RP1: variants seen among roughly 807,000 people sequenced by gnomAD.
The protein encoded by RP1 is oxygen-regulated protein 1.
RP1 carries 16 observed loss-of-function variants against 14.8 expected under a neutral mutation model. The ratio of observed to expected loss-of-function variants is 1.08; its 90% CI spans 0.73 to 1.65. RP1 has a LOEUF of 1.65. RP1 is among the 40% of genes most tolerant of loss of function. The pLI is 0.00. For missense variants in RP1, 2,631 were observed against 2,535.0 expected, an observed-to-expected ratio of 1.04 and a Z score of -0.81; for synonymous variants, 876 against 883.6, an observed-to-expected ratio of 0.99 and a Z score of 0.15.
intron 7 of RP1, among the ~76,000 whole-genome samples, chr8:54,665,302 A>C (rs1264486638): frequency 6.6e-6 from 1 of 152,018 alleles, no homozygotes; most frequent in Admixed American, 6.6e-5. Context: ...ACCTCTCCCA[A>C]ACTTGTGAGA....
rs769343374 is a variant in RP1, at chr8:54,625,700, T to C, written c.1818T>C (p.Ser606=). The part of the protein sequence containing the change: ...KTYGNTNDRF[S]PISADATHFS... ...ATGGTAACACCAATGATAGGTTCAG[T>C]CCTATTTCAGCAGATGCAACCCATT... The change falls in exon 4 of 4, where the codon AGT becomes AGC. Residue 606 remains serine (S), a synonymous_variant. Coordinates refer to ENST00000220676, the MANE Select transcript of RP1 (RefSeq NM_006269.2). The C allele has an allele frequency of 2.5e-6, 4 of 1,614,088 alleles. No individual in the cohort carries two copies. In the Admixed American group the frequency reaches 5.0e-5, roughly 20 times the overall value.
intron 12 of RP1, among the ~76,000 whole-genome samples, chr8:54,687,618 T>C (rs1462957570): frequency 6.6e-6 from 1 of 152,198 alleles, no homozygotes; most frequent in Non-Finnish European, 1.5e-5. Context: ...GTTTCATCCA[T>C]GTCTCTGCAA....
At position 54,852,782 on chromosome 8, in the gene RP1, T is replaced by C. The variant is rs1267748977; in HGVS notation, c.3990+54T>C. The stretch of plus-strand genomic sequence containing the variant: ...TACCGACTATCGTTCCTTTAATTTA[T>C]TTAACAAAAACACACACAAACAGAA... On this transcript the variant is annotated intron_variant, in intron 26 of 28. Transcript: ENST00000637698. The C allele has an allele frequency of 5.8e-6, 7 of 1,209,448 alleles. No individual in the cohort carries two copies. The South Asian group carries it at 1.7e-4, about 29-fold the overall frequency. 74.9% of individuals were successfully genotyped at this position (1,209,448 alleles called of 1,614,324 possible). A position where few individuals can be genotyped will look rare whatever the true frequency, so the allele number is the denominator to read the frequency against.
At chr8:54,670,097 A>G (rs1309638910) in intron 7 of RP1, among the ~76,000 whole-genome samples, 2 of 152,122 alleles carry the variant, frequency 1.3e-5, no homozygotes, top group Non-Finnish European at 2.9e-5. Flanking sequence ...ATATGTGAAT[A>G]TTTCAGTCAC....
rs574401703 is a variant in RP1 at position 54,743,728 on chromosome 8, G to A, written c.2808+4699G>A. On this transcript the variant is annotated intron_variant, in intron 19 of 22. Coordinates refer to the RP1 transcript ENST00000636932. The stretch of plus-strand genomic sequence containing the variant: ...CTAGTACTTTCTTTTCCCTAGCCCT[G>A]GAATTACCTATTTCTCAAGGAGCCC... Among the ~76,000 whole-genome samples, 3 of 152,050 alleles carry A rather than the reference G, an allele frequency of 2.0e-5. No individual in the cohort carries two copies. In the South Asian group the frequency reaches 6.3e-4, roughly 32 times the overall value.
At chr8:54,615,607 G>A (rs541324971), upstream of RP1, among the ~76,000 whole-genome samples, 8 of 152,242 alleles carry the variant, frequency 5.3e-5, no homozygotes, top group African/African-American at 1.9e-4. Flanking sequence ...TTTGTCCTGC[G>A]TTATGCTGAG....
chr8:54,846,711 C>G (rs1040197362), intron 25 of RP1, among the ~76,000 whole-genome samples: 1 of 152,058 alleles, frequency 6.6e-6, no homozygotes, highest in Non-Finnish European at 1.5e-5. Context: ...CTTCTCATTT[C>G]TGCCCCTCTT....
intron 17 of RP1, among the ~76,000 whole-genome samples, chr8:54,731,583 A>G (rs929281981): frequency 2.0e-5 from 3 of 152,162 alleles, no homozygotes; most frequent in African/African-American, 7.2e-5. Flanking sequence ...ATCATTCTGC[A>G]TTATAGATTA....
intron 24 of RP1, among the ~76,000 whole-genome samples, chr8:54,824,109 A>G (rs1352341858): frequency 6.7e-6 from 1 of 148,654 alleles, no homozygotes; most frequent in Non-Finnish European, 1.5e-5. Context: ...TCATTTGCCC[A>G]TTTTCTAATT....
chr8:54,572,229 T>C (rs1804539275), intron 1 of RP1, among the ~76,000 whole-genome samples: 1 of 152,242 alleles, frequency 6.6e-6, no homozygotes, highest in Admixed American at 6.5e-5. Context: ...GGCTAATTGC[T>C]AAGTCTGGAA....
chr8:54,706,873 T>C lies in RP1; in HGVS notation c.2211+218T>C, dbSNP rs543296678. On this transcript the variant is annotated intron_variant, in intron 15 of 22. Transcript: ENST00000636932. Reference sequence around the variant, plus strand: ...GATAGGGCCTCTGAAATGTAATGTATGTACAAATCACCTGGGAATTGTGTT... The same window carrying C: ...GATAGGGCCTCTGAAATGTAATGTACGTACAAATCACCTGGGAATTGTGTT... Among the ~76,000 whole-genome samples the C allele has an allele frequency of 3.7e-4, 57 of 152,258 alleles. 2 individuals carry two copies. The South Asian group carries it at 0.011, about 30-fold the overall frequency.
chr8:54,691,219 G>T (rs1425992000), intron 12 of RP1, among the ~76,000 whole-genome samples: 1 of 152,030 alleles, frequency 6.6e-6, no homozygotes, highest in African/African-American at 2.4e-5. Flanking sequence ...TGAGGACTTT[G>T]AGTACTTCAG....
At chr8:54,768,714 T>C (rs1362270315) in intron 22 of RP1, among the ~76,000 whole-genome samples, 1 of 152,238 alleles carries the variant, frequency 6.6e-6, no homozygotes, top group South Asian at 2.1e-4. Flanking sequence ...GAGGGTAAGA[T>C]CACAAAGCCA....
exon 18 of RP1, chr8:54,734,691 C>A (rs561584366): frequency 1.3e-6 from 2 of 1,535,680 alleles, no homozygotes; most frequent in East Asian, 4.9e-5. Context: ...AATAAGTCTT[C>A]GCAAGGACAG....
chr8:54,781,329 T>G (rs991173032), intron 23 of RP1, among the ~76,000 whole-genome samples: 5 of 152,300 alleles, frequency 3.3e-5, no homozygotes, highest in Non-Finnish European at 7.4e-5. Flanking sequence ...CTAATAGAAG[T>G]CATTTTCCAA....
chr8:54,804,519 A>AT (rs1287500549), intron 24 of RP1, among the ~76,000 whole-genome samples: 3 of 151,450 alleles, frequency 2.0e-5, no homozygotes, highest in Non-Finnish European at 2.9e-5. Context: ...GAACCACTTA[A>AT]TTTTTTTTCA....
chr8:54,651,883 C>T (rs1250529544), intron 4 of RP1, among the ~76,000 whole-genome samples: 1 of 152,078 alleles, frequency 6.6e-6, no homozygotes, highest in African/African-American at 2.4e-5. Flanking sequence ...AAATTTCCCT[C>T]AGAGCTCTGC....
At position 54,621,286 on chromosome 8, in the gene RP1, C is replaced by A. The variant is rs754124724; in HGVS notation, c.320C>A (p.Ser107Tyr). ...ELEDGESYLC[S>Y]HGRKVQPVDL... ...GAGGACGGCGAGTCCTACCTATGTTCCCACGGCAGGAAGGTGCAGCCTGTA... is the reference window on the plus strand; with the variant it reads ...GAGGACGGCGAGTCCTACCTATGTTACCACGGCAGGAAGGTGCAGCCTGTA... The change falls in exon 2 of 4, where the codon TCC (serine) becomes TAC (tyrosine). Residue 107 changes from serine (S) to tyrosine (Y), a missense_variant. Transcript: ENST00000220676. 18 of 1,613,902 alleles carry A rather than the reference C, an allele frequency of 1.1e-5. No homozygotes were observed. The African/African-American group carries it at 1.9e-4, about 17-fold the overall frequency.
At chr8:54,775,692 A>T (rs886684355) in intron 23 of RP1, among the ~76,000 whole-genome samples, 1 of 152,174 alleles carries the variant, frequency 6.6e-6, no homozygotes, top group Non-Finnish European at 1.5e-5. Context: ...ATAAGAAATG[A>T]TTGTCATTGT....
Sources: allele counts gnomAD v4.1 joint callset (sites outside exome capture counted in the v4.1 genomes callset), GRCh38; gene constraint gnomAD v4.1.1; transcripts MANE v1.5; gene names NCBI Gene and HGNC (gene_info 2026-07-23, HGNC 2026-07-21).